RNLS: variants seen among roughly 807,000 people sequenced by gnomAD.
The protein encoded by RNLS is renalase, FAD dependent amine oxidase, also known as renalase.
In RNLS, 39 loss-of-function variants were observed where a neutral mutation model predicts 39.8. That is an observed-to-expected ratio of 0.98 (90% confidence interval 0.76 to 1.28). RNLS has a LOEUF of 1.28. RNLS is among the 50% of genes most tolerant of loss of function. The pLI, the probability that RNLS is intolerant of heterozygous loss-of-function variation, is 0.00. For synonymous variants in RNLS, 147 were observed against 150.7 expected (o/e 0.98, Z 0.18); for missense variants, 410 against 413.3 (o/e 0.99, Z 0.07).
At chr10:88,197,195 T>A in the RNLS span, among the ~76,000 whole-genome samples, 134,275 of 152,296 alleles carry the variant, frequency 0.88, 59,337 homozygotes, top group African/African-American at 0.9. Flanking sequence ...CTGTTGAGGT[T>A]GTTGGGAAAG....
chr10:88,190,422 T>C, the RNLS span, among the ~76,000 whole-genome samples: 1 of 152,162 alleles, frequency 6.6e-6, no homozygotes, highest in Non-Finnish European at 1.5e-5. Flanking sequence ...TTACAGGACA[T>C]GGCACATAAA....
chr10:88,460,160 A>G (rs1297151896), intron 4 of RNLS, among the ~76,000 whole-genome samples: 1 of 152,130 alleles, frequency 6.6e-6, no homozygotes, highest in Non-Finnish European at 1.5e-5. Flanking sequence ...CCATGAGATA[A>G]TGTGCTGTGG....
At chr10:88,422,630 C>A (rs1460813604) in intron 4 of RNLS, among the ~76,000 whole-genome samples, 2 of 152,080 alleles carry the variant, frequency 1.3e-5, no homozygotes, top group Non-Finnish European at 2.9e-5. Context: ...CGTGATTTGG[C>A]CCTCCTCAAG....
At chr10:88,389,778 C>T (rs1481672101) in intron 4 of RNLS, among the ~76,000 whole-genome samples, 1 of 152,102 alleles carries the variant, frequency 6.6e-6, no homozygotes, top group Non-Finnish European at 1.5e-5. Context: ...TATTGGGGGA[C>T]TACAAGATAT....
the RNLS span, among the ~76,000 whole-genome samples, chr10:88,213,399 A>C: frequency 1.3e-5 from 2 of 151,866 alleles, no homozygotes; most frequent in African/African-American, 4.8e-5. Context: ...TTCTGGCCCT[A>C]CAGGCACCTT....
At chr10:88,519,096 C>A (rs1420108632) in intron 4 of RNLS, among the ~76,000 whole-genome samples, 1 of 152,010 alleles carries the variant, frequency 6.6e-6, no homozygotes, top group Non-Finnish European at 1.5e-5. Flanking sequence ...AGCCAGATAT[C>A]CTGATTCAGA....
chr10:88,225,859 G>A, the RNLS span, among the ~76,000 whole-genome samples: 51 of 152,068 alleles, frequency 3.4e-4, no homozygotes, highest in Middle Eastern at 0.017. Context: ...TAGACTAAAG[G>A]ATGGCTCTTT....
At chr10:88,329,936 A>G (rs1001188320) in intron 5 of RNLS, among the ~76,000 whole-genome samples, 1 of 151,396 alleles carries the variant, frequency 6.6e-6, no homozygotes, top group African/African-American at 2.4e-5. Context: ...AACATATTCA[A>G]CATAGTTATT....
At chr10:88,335,681 G>C (rs1027566472) in intron 5 of RNLS, among the ~76,000 whole-genome samples, 1 of 152,194 alleles carries the variant, frequency 6.6e-6, no homozygotes, top group Non-Finnish European at 1.5e-5. Flanking sequence ...GAATGTAGTG[G>C]TAACGCAGAT....
chr10:88,324,545 G>C (rs937982480), intron 5 of RNLS, among the ~76,000 whole-genome samples: 10 of 151,938 alleles, frequency 6.6e-5, no homozygotes, highest in African/African-American at 2.4e-4. Context: ...ATGCATTCTA[G>C]ACACTGGGCA....
At chr10:88,329,034 T>C (rs1846869791) in intron 5 of RNLS, among the ~76,000 whole-genome samples, 7 of 152,202 alleles carry the variant, frequency 4.6e-5, no homozygotes, top group Middle Eastern at 3.4e-3. Flanking sequence ...GATACCAATG[T>C]AGTTTAGCTT....
chr10:88,244,356 G>T, the RNLS span, among the ~76,000 whole-genome samples: 4 of 152,166 alleles, frequency 2.6e-5, no homozygotes, highest in Non-Finnish European at 4.4e-5. Flanking sequence ...GGCACCGGGG[G>T]GCTTATTAGG....
At chr10:88,413,498 C>A (rs1319587405) in intron 4 of RNLS, among the ~76,000 whole-genome samples, 3 of 152,174 alleles carry the variant, frequency 2.0e-5, no homozygotes, top group Non-Finnish European at 2.9e-5. Context: ...TGGTATTATA[C>A]CTACTGGATT....
chr10:88,181,314 A>G, the RNLS span, among the ~76,000 whole-genome samples: 1 of 152,186 alleles, frequency 6.6e-6, no homozygotes, highest in Non-Finnish European at 1.5e-5. Context: ...CCAAGAGGAA[A>G]CAGGGGCCTA....
intron 4 of RNLS, among the ~76,000 whole-genome samples, chr10:88,400,300 AG>A (rs1852834468): frequency 6.6e-6 from 1 of 152,022 alleles, no homozygotes; most frequent in African/African-American, 2.4e-5. Flanking sequence ...CATGACATAC[AG>A]GAATCCCTAT....
the RNLS span, among the ~76,000 whole-genome samples, chr10:88,243,379 G>A: frequency 6.6e-6 from 1 of 152,220 alleles, no homozygotes; most frequent in Admixed American, 6.5e-5. Context: ...CATTGGTTTA[G>A]TCAAAGGACA....
intron 4 of RNLS, among the ~76,000 whole-genome samples, chr10:88,459,460 C>G (rs1184006270): frequency 6.6e-6 from 1 of 152,074 alleles, no homozygotes; most frequent in Non-Finnish European, 1.5e-5. Flanking sequence ...CTATACAAAG[C>G]AGTTTGCTCT....
the RNLS span, among the ~76,000 whole-genome samples, chr10:88,200,739 C>A: frequency 6.6e-6 from 1 of 152,252 alleles, no homozygotes; most frequent in East Asian, 1.9e-4. Context: ...GTAGATTATT[C>A]ACGGTAAAGA....
At chr10:88,324,277 G>A (rs888183278) in intron 5 of RNLS, among the ~76,000 whole-genome samples, 3 of 151,964 alleles carry the variant, frequency 2.0e-5, no homozygotes, top group African/African-American at 7.3e-5. Context: ...GAAGACACCT[G>A]CACACGTACG....
Sources: gnomAD v4.1 joint callset for allele counts (sites outside exome capture counted in the v4.1 genomes callset) on GRCh38, gnomAD v4.1.1 for gene constraint, MANE v1.5 for transcripts, NCBI Gene and HGNC (gene_info 2026-07-23, HGNC 2026-07-21) for gene names.